KNTC1: variants seen among roughly 807,000 people sequenced by gnomAD.
KNTC1 encodes kinetochore associated 1.
In KNTC1, 253 loss-of-function variants were observed where a neutral mutation model predicts 314.4. The observed-to-expected ratio is 0.80, with a 90% CI of 0.73 to 0.89. The LOEUF is 0.89. KNTC1 is among the 40% of genes least tolerant of loss of function. KNTC1 has a pLI of 0.00. For missense variants in KNTC1, 2,475 were observed against 2,572.9 expected (o/e 0.96, Z 0.82); for synonymous variants, 901 against 901.4 (o/e 1.00, Z 0.01).
At chr12:122,586,646 G>T in intron 37 of KNTC1, 55 bp from the exon 38 acceptor site, 1 of 814,060 alleles carries the variant, frequency 1.2e-6, no homozygotes. Context: ...TGAAGTCTGG[G>T]CTTTTAGTGT....
Position 122,605,971 on chromosome 12 carries a change from T to C in KNTC1, c.5496+556T>C, listed in dbSNP as rs117264035. On this transcript the variant is annotated intron_variant, in intron 51 of 63. Coordinates refer to ENST00000333479, the MANE Select transcript of KNTC1 (RefSeq NM_014708.6). ...GTCCTCCCCACCTCAGCCTCCCGAG[T>C]AGCTGGGACTACACGTGTGCATCAC... Among the ~76,000 whole-genome samples, 47 of 152,204 alleles carry C rather than the reference T, an allele frequency of 3.1e-4. No individual in the cohort carries two copies. The East Asian group carries it at 8.7e-3, about 28-fold the overall frequency.
At chr12:122,610,267 A>T (rs1872977111) in intron 52 of KNTC1, among the ~76,000 whole-genome samples, 1 of 152,214 alleles carries the variant, frequency 6.6e-6, no homozygotes, top group Non-Finnish European at 1.5e-5. Flanking sequence ...GGCACGTGGA[A>T]GGTCTTGGAG....
At chr12:122,618,810 A>G (rs1874078844) in intron 59 of KNTC1, among the ~76,000 whole-genome samples, 1 of 152,078 alleles carries the variant, frequency 6.6e-6, no homozygotes, top group Non-Finnish European at 1.5e-5. Flanking sequence ...CTGGGATTAC[A>G]GGCACGTGCC....
chr12:122,620,305 A>G (rs970887991), intron 59 of KNTC1, 174 bp from the exon 60 acceptor site: 69 of 529,846 alleles, frequency 1.3e-4, no homozygotes, highest in African/African-American at 9.4e-4. Context: ...TATTCTGTGT[A>G]GAGTGCTGTC....
At chr12:122,567,967 CAAAT>C (rs1326830882) in intron 20 of KNTC1, among the ~76,000 whole-genome samples, 4 of 152,056 alleles carry the variant, frequency 2.6e-5, no homozygotes, top group African/African-American at 7.2e-5. Flanking sequence ...CTCAAAAAAA[CAAAT>C]AAAACAAACA....
At chr12:122,587,401 A>G (rs1219012862) in intron 38 of KNTC1, among the ~76,000 whole-genome samples, 1 of 152,200 alleles carries the variant, frequency 6.6e-6, no homozygotes, top group Non-Finnish European at 1.5e-5. Context: ...AGTTCAGTAG[A>G]TTATGTGATT....
chr12:122,569,666 C>A lies in KNTC1; in HGVS notation c.1717-15C>A, dbSNP rs756640741. 7 of 1,598,774 alleles carry A rather than the reference C, an allele frequency of 4.4e-6. No homozygotes were observed. In the East Asian group the frequency reaches 1.6e-4, roughly 36 times the overall value. On this transcript the variant is annotated splice_polypyrimidine_tract_variant and intron_variant, in intron 21 of 63. Transcript: ENST00000333479. Reference sequence around the variant, plus strand: ...AAATTTGTCAGATCTTAATTTCTCGCTCCTTATAATTTAGGCAAACTTTGA... The same window carrying A: ...AAATTTGTCAGATCTTAATTTCTCGATCCTTATAATTTAGGCAAACTTTGA...
In KNTC1 at chr12:122,584,419, A is replaced by G; in HGVS notation, c.3405A>G (p.Leu1135=). 1 of 1,611,172 alleles carries G rather than the reference A, an allele frequency of 6.2e-7. No individual in the cohort carries two copies. The highest frequency in any genetic ancestry group is 8.5e-7 in the Non-Finnish European group (1 of 1,178,408). Reference sequence around the variant, plus strand: ...ATCTTCCTTCCATGATACATGATCTAGCAAGCCAAGCTGCCACCATTTGCA... The same window carrying G: ...ATCTTCCTTCCATGATACATGATCTGGCAAGCCAAGCTGCCACCATTTGCA... ...GLNLPSMIHD[L]ASQAATICSP... The change falls in exon 35 of 64, where the codon CTA becomes CTG. Residue 1135 remains leucine, a synonymous_variant. Transcript: ENST00000333479.
At chr12:122,577,330 G>A (rs909736951) in intron 30 of KNTC1, among the ~76,000 whole-genome samples, 4 of 152,034 alleles carry the variant, frequency 2.6e-5, no homozygotes, top group African/African-American at 4.8e-5. Context: ...CAGTATCTAG[G>A]ATCGTATTTT....
In KNTC1 at chr12:122,557,371, G is replaced by A; in HGVS notation, c.1273-13G>A. 1 of 1,608,038 alleles carries A rather than the reference G, an allele frequency of 6.2e-7. No individual in the cohort carries two copies. The highest frequency in any genetic ancestry group is 8.5e-7 in the Non-Finnish European group (1 of 1,176,748). ...TACTTCAAATTGCTTGATGTGGCGT[G>A]TTTATATTACAGCTTGTTTACAAGG... On this transcript the variant is annotated splice_polypyrimidine_tract_variant and intron_variant, in intron 16 of 63. Transcript: ENST00000333479.
Position 122,575,568 on chromosome 12 carries a change from T to A in KNTC1, c.2408T>A (p.Ile803Asn). Residue 803 changes from isoleucine to asparagine, a missense_variant, in exon 28 of 64, where the codon ATC (isoleucine) becomes AAC (asparagine). Coordinates refer to ENST00000333479, the MANE Select transcript of KNTC1 (RefSeq NM_014708.6). ...TDLIFDAVLK[I>N]MYAAVVPWSA... ...CTCATATTTGATGCCGTGCTCAAGA[T>A]CATGTATGCGGCAGTGGTTCCTTGG... The A allele has an allele frequency of 6.3e-7, 1 of 1,595,232 alleles. No individual in the cohort carries two copies. The highest frequency in any genetic ancestry group is 8.5e-7 in the Non-Finnish European group (1 of 1,170,558).
chr12:122,572,228 G>A (rs778759828), intron 24 of KNTC1, among the ~76,000 whole-genome samples: 6 of 151,806 alleles, frequency 4.0e-5, no homozygotes, highest in Non-Finnish European at 7.4e-5. Flanking sequence ...CCCATCCCTA[G>A]TAAAAATACA....
chr12:122,550,584 C>T (rs1028441540), intron 13 of KNTC1, among the ~76,000 whole-genome samples: 1 of 152,136 alleles, frequency 6.6e-6, no homozygotes, highest in African/African-American at 2.4e-5. Context: ...CTCACTACAG[C>T]CTCCAACTCC....
chr12:122,537,071 G>A (rs765156966), intron 3 of KNTC1, among the ~76,000 whole-genome samples: 4 of 152,176 alleles, frequency 2.6e-5, no homozygotes, highest in African/African-American at 9.7e-5. Context: ...AATAACTTGA[G>A]TTCGTAAGCC....
Position 122,601,610 on chromosome 12 carries a change from T to C in KNTC1, c.4638T>C (p.Asn1546=), listed in dbSNP as rs1871918336. 4 of 1,522,494 alleles carry C rather than the reference T, an allele frequency of 2.6e-6. No homozygotes were observed. Among genetic ancestry groups the C allele is most frequent in the Non-Finnish European group, 3.5e-6 (4 of 1,135,072 alleles). The allele number at this position is 1,522,494 out of a possible 1,614,324, so 94.3% of individuals were successfully genotyped here. The change falls in exon 45 of 64, where the codon AAT becomes AAC. Residue 1546 remains asparagine, a synonymous_variant. Transcript: ENST00000333479. The part of the protein sequence containing the change: ...VIERADEKIT[N]ININQALSIL... ...AACGAGCTGATGAAAAGATAACCAA[T>C]ATTAATATTAATCAGGTATAACAAA...
At chr12:122,594,224 A>T in intron 42 of KNTC1, 52 bp from the exon 43 acceptor site, 1 of 997,484 alleles carries the variant, frequency 1.0e-6, no homozygotes, top group Non-Finnish European at 1.6e-6. Flanking sequence ...TTACTCTGAT[A>T]CATTTCAGTG....
chr12:122,599,907 A>G (rs1035495161), intron 44 of KNTC1, among the ~76,000 whole-genome samples: 3 of 152,056 alleles, frequency 2.0e-5, no homozygotes, highest in Non-Finnish European at 2.9e-5. Context: ...AGTCCCAGCT[A>G]TTTGGGAAGC....
In KNTC1 at chr12:122,613,097, CTT is replaced by C. The variant is rs1873358545; in HGVS notation, c.5623-12_5623-11del. ...TGCAGGTGTTCAACTCTCCAAACCT[CTT>C]TTGGTTTTTCAGACATTAGGTATGC... On this transcript the variant is annotated splice_polypyrimidine_tract_variant and intron_variant, in intron 53 of 63. Coordinates refer to ENST00000333479, the MANE Select transcript of KNTC1 (RefSeq NM_014708.6). 8 of 1,494,234 alleles carry C rather than the reference CTT, an allele frequency of 5.4e-6. No homozygotes were observed. The highest frequency in any genetic ancestry group is 1.4e-5 in the African/African-American group (1 of 72,160). 92.6% of individuals were successfully genotyped at this position (1,494,234 alleles called of 1,614,324 possible).
chr12:122,560,875 C>G (rs1445334029), intron 18 of KNTC1, among the ~76,000 whole-genome samples: 2 of 152,158 alleles, frequency 1.3e-5, no homozygotes, highest in African/African-American at 4.8e-5. Context: ...TTCAAGCAAT[C>G]CTCCTGCCTC....
Sources: gnomAD v4.1 joint callset for allele counts (sites outside exome capture counted in the v4.1 genomes callset) on GRCh38, gnomAD v4.1.1 for gene constraint, MANE v1.5 for transcripts, NCBI Gene and HGNC (gene_info 2026-07-23, HGNC 2026-07-21) for gene names.